TRAPPC9: variants seen among roughly 807,000 people sequenced by gnomAD.
TRAPPC9 encodes trafficking protein particle complex subunit 9, also known as IKK2 binding protein.
A neutral mutation model predicts 124.0 loss-of-function variants in TRAPPC9; 83 were observed. The observed-to-expected ratio is 0.67, with a 90% confidence interval of 0.56 to 0.80. TRAPPC9 has a LOEUF of 0.80. Ranked by LOEUF, TRAPPC9 falls within the 30% of genes least tolerant of loss-of-function variation. The pLI, the probability that TRAPPC9 is intolerant of heterozygous loss-of-function variation, is 0.00. For synonymous variants in TRAPPC9, 638 were observed against 617.5 expected (o/e 1.03, Z -0.49); for missense variants, 1,302 against 1,508.3 (o/e 0.86, Z 2.27).
chr8:140,402,546 A>C (rs2069315538), intron 6 of TRAPPC9, among the ~76,000 whole-genome samples: 1 of 152,118 alleles, frequency 6.6e-6, no homozygotes, highest in Admixed American at 6.5e-5. Context: ...ATACAAAAAA[A>C]ATAGCTGGGC....
chr8:140,285,742 T>C (rs1342071501), intron 13 of TRAPPC9, among the ~76,000 whole-genome samples: 1 of 151,866 alleles, frequency 6.6e-6, no homozygotes, highest in Non-Finnish European at 1.5e-5. Flanking sequence ...TTCATTTGAA[T>C]AGTTCCTAGT....
intron 10 of TRAPPC9, among the ~76,000 whole-genome samples, chr8:140,304,869 G>A (rs572209769): frequency 5.3e-4 from 80 of 152,174 alleles, no homozygotes; most frequent in Non-Finnish European, 8.7e-4. Flanking sequence ...GTCAACAGCA[G>A]GCCACACCGC....
intron 5 of TRAPPC9, among the ~76,000 whole-genome samples, chr8:140,416,266 A>G (rs1319789940): frequency 2.0e-5 from 3 of 152,204 alleles, no homozygotes; most frequent in African/African-American, 4.8e-5. Context: ...TTATACACCA[A>G]TGAATTATCT....
Position 140,252,672 on chromosome 8 carries a change from A to ATTTG in TRAPPC9, c.2431+104_2431+105insCAAA. 1 of 1,376,452 alleles carries ATTTG rather than the reference A, an allele frequency of 7.3e-7. No homozygotes were observed. The highest frequency in any genetic ancestry group is 2.3e-5 in the East Asian group (1 of 43,756). 85.3% of individuals were successfully genotyped at this position (1,376,452 alleles called of 1,614,324 possible). On this transcript the variant is annotated intron_variant, in intron 16 of 22. Coordinates refer to ENST00000438773, the MANE Select transcript of TRAPPC9 (RefSeq NM_001160372.4). This position sits in a 1 kb window ranked among gnomAD's most constrained non-coding sequence, Gnocchi z 4.2. ...TGTCTCAGGCAGCTTGAGTTAATGA[A>ATTTG]TGACAAGTGAGTTACAAACAGCAAA...
chr8:140,237,489 G>T (rs1587987775), intron 16 of TRAPPC9, among the ~76,000 whole-genome samples: 1 of 151,936 alleles, frequency 6.6e-6, no homozygotes, highest in East Asian at 1.9e-4. Context: ...TTGAAAAACT[G>T]TAAGTCCAGT....
intron 17 of TRAPPC9, among the ~76,000 whole-genome samples, chr8:140,092,351 C>T (rs1191765131): frequency 6.6e-6 from 1 of 151,882 alleles, no homozygotes; most frequent in Non-Finnish European, 1.5e-5. Context: ...GCGCCCGATG[C>T]CACGCGAGGC....
At chr8:140,305,591 C>G (rs753329149) in intron 10 of TRAPPC9, among the ~76,000 whole-genome samples, 1 of 152,154 alleles carries the variant, frequency 6.6e-6, no homozygotes, top group African/African-American at 2.4e-5. Flanking sequence ...CGTGAGCCAC[C>G]GTGCCAGACC....
At chr8:140,418,198 C>A (rs2070013862) in intron 5 of TRAPPC9, among the ~76,000 whole-genome samples, 2 of 152,094 alleles carry the variant, frequency 1.3e-5, no homozygotes, top group Admixed American at 1.3e-4. Context: ...TATCCCAGAA[C>A]TTAAAGTATA....
At chr8:140,049,145 G>A (rs1011161290) in intron 17 of TRAPPC9, among the ~76,000 whole-genome samples, 1 of 152,110 alleles carries the variant, frequency 6.6e-6, no homozygotes, top group Non-Finnish European at 1.5e-5. Context: ...TTGCTATATA[G>A]ATATGGAAAC....
chr8:140,031,988 C>T (rs1308131105), intron 17 of TRAPPC9, among the ~76,000 whole-genome samples: 1 of 152,178 alleles, frequency 6.6e-6, no homozygotes, highest in Non-Finnish European at 1.5e-5. Flanking sequence ...CCTGGGACCC[C>T]CAACCTAACT....
At chr8:140,157,085 T>TTTCCATTCAAAAGCCTCCC (rs2061656472) in intron 17 of TRAPPC9, among the ~76,000 whole-genome samples, 1 of 44,634 alleles carries the variant, frequency 2.2e-5, no homozygotes, top group African/African-American at 7.0e-5. Flanking sequence ...AAAGCCTCCC[T>TTTCCATTCAAAAGCCTCCC]TTTCCATTCA....
chr8:140,364,392 A>G (rs2068048014), intron 8 of TRAPPC9, among the ~76,000 whole-genome samples: 1 of 152,112 alleles, frequency 6.6e-6, no homozygotes, highest in Non-Finnish European at 1.5e-5. Flanking sequence ...AAGTGCACAT[A>G]GAAATCTATT....
chr8:140,282,385 C>A (rs1028120728), intron 14 of TRAPPC9, among the ~76,000 whole-genome samples: 1 of 151,946 alleles, frequency 6.6e-6, no homozygotes, highest in Non-Finnish European at 1.5e-5. Flanking sequence ...TACCTATAAT[C>A]CCAGCTACTC....
intron 22 of TRAPPC9, 68 bp from the exon 23 acceptor site, chr8:139,731,296 C>T (rs1366906488): frequency 2.5e-5 from 40 of 1,577,530 alleles, no homozygotes; most frequent in Non-Finnish European, 3.4e-5. Flanking sequence ...CACCAGGAAT[C>T]CTGGGAATCT....
intron 17 of TRAPPC9, among the ~76,000 whole-genome samples, chr8:140,093,764 G>A (rs1296715321): frequency 6.6e-6 from 1 of 152,028 alleles, no homozygotes; most frequent in African/African-American, 2.4e-5. Context: ...GGGCAGAGAT[G>A]AAAGCTGAGC....
At chr8:140,042,467 T>C (rs1466076510) in intron 17 of TRAPPC9, among the ~76,000 whole-genome samples, 2 of 152,254 alleles carry the variant, frequency 1.3e-5, no homozygotes, top group South Asian at 2.1e-4. Context: ...GGCTGCTTTT[T>C]ATAGAAGAGT....
Position 139,825,184 on chromosome 8 carries a change from T to C in TRAPPC9, c.3055+60695A>G, listed in dbSNP as rs535216474. On this transcript the variant is annotated intron_variant, in intron 21 of 22. Transcript: ENST00000438773. The surrounding 1 kb of genome is among the most constrained non-coding windows in gnomAD (Gnocchi z 4.6). ...GAGAAGGTCTTACTGAGGCATGGGG[T>C]GGCCTCAAGGCAGAGCTAGAGCCCA... is the stretch of plus-strand genomic sequence containing the variant. 5.9e-5 allele frequency among the ~76,000 whole-genome samples: 9 copies of C among 152,056 alleles called. No homozygotes were observed. In the South Asian group the frequency reaches 1.7e-3, roughly 28 times the overall value.
chr8:140,089,785 C>A (rs1344656340), intron 17 of TRAPPC9, among the ~76,000 whole-genome samples: 1 of 152,092 alleles, frequency 6.6e-6, no homozygotes, highest in Non-Finnish European at 1.5e-5. Context: ...TGCTTAAAAA[C>A]ATAAGGGCAG....
chr8:140,415,504 C>T (rs1220758209), intron 5 of TRAPPC9, among the ~76,000 whole-genome samples: 4 of 147,432 alleles, frequency 2.7e-5, no homozygotes, highest in Admixed American at 2.7e-4. Context: ...GCAAGTGAGC[C>T]GAGATCATGG....
Sources: gnomAD v4.1 joint callset for allele counts (sites outside exome capture counted in the v4.1 genomes callset) on GRCh38, gnomAD v4.1.1 for gene constraint, Gnocchi (gnomAD v3.1) non-coding constraint, MANE v1.5 for transcripts, NCBI Gene and HGNC (gene_info 2026-07-23, HGNC 2026-07-21) for gene names.